Variants in STXBP5L observed in about 807,000 individuals in gnomAD.
STXBP5L encodes the protein syntaxin binding protein 5L.
STXBP5L carries 65 observed loss-of-function variants against 144.5 expected under a neutral mutation model. That is an observed-to-expected ratio of 0.45 (90% CI 0.37 to 0.55). The LOEUF (loss-of-function observed/expected upper bound fraction) is 0.55, where lower values mean the gene tolerates loss of function less well. STXBP5L is among the 20% of genes least tolerant of loss of function. STXBP5L has a pLI of 0.00. For synonymous variants in STXBP5L, 505 were observed against 469.6 expected, an observed-to-expected ratio of 1.08 and a Z score of -0.97; for missense variants, 1,298 against 1,405.5, an observed-to-expected ratio of 0.92 and a Z score of 1.22.
intron 19 of STXBP5L, among the ~76,000 whole-genome samples, chr3:121,308,212 C>T (rs1175199643): frequency 1.3e-5 from 2 of 152,126 alleles, no homozygotes; most frequent in Non-Finnish European, 2.9e-5. Context: ...CAAACGTTTA[C>T]CTATGTAAGA....
rs1337194337 is a variant in STXBP5L, at chr3:121,378,849, AG to A, written c.2311del (p.Ala771ProfsTer69). ...RPPFRKAQSA[A>X]CMEISLPVTT... Reference sequence around the variant, plus strand: ...CACCATTTCGAAAGGCCCAGTCAGCAGCCTGCATGGAGATTTCTTTACCAGT... The same window carrying A: ...CACCATTTCGAAAGGCCCAGTCAGCACCTGCATGGAGATTTCTTTACCAGT... On this transcript the variant is annotated frameshift_variant, in exon 21 of 27. Coordinates refer to ENST00000471454, the MANE Select transcript of STXBP5L (RefSeq NM_001308330.2). LOFTEE classifies it high-confidence loss of function. The A allele has an allele frequency of 6.2e-7, 1 of 1,613,720 alleles. No homozygotes were observed. The highest frequency in any genetic ancestry group is 1.7e-5 in the Admixed American group (1 of 59,900).
At chr3:121,197,236 A>G (rs2047956181) in intron 9 of STXBP5L, among the ~76,000 whole-genome samples, 1 of 151,976 alleles carries the variant, frequency 6.6e-6, no homozygotes, top group African/African-American at 2.4e-5. Flanking sequence ...ACTTTTTTGT[A>G]TCTTTGATCA....
chr3:121,148,785 A>G (rs979045437), intron 7 of STXBP5L, among the ~76,000 whole-genome samples: 2 of 152,160 alleles, frequency 1.3e-5, no homozygotes, highest in Non-Finnish European at 2.9e-5. Context: ...AGAAATGCAT[A>G]TATGTATTTA....
chr3:121,251,724 G>A (rs896773957), intron 15 of STXBP5L, among the ~76,000 whole-genome samples: 4 of 152,168 alleles, frequency 2.6e-5, no homozygotes, highest in African/African-American at 7.2e-5. Context: ...GTTTGAAGCT[G>A]TAGAAATGAA....
At position 121,092,976 on chromosome 3, in the gene STXBP5L, C is replaced by T. The variant is rs1047869461; in HGVS notation, c.471-21949C>T. On this transcript the variant is annotated intron_variant, in intron 5 of 26. Coordinates refer to ENST00000471454, the MANE Select transcript of STXBP5L (RefSeq NM_001308330.2). ...TACCTAATTTATTGAGAGTTTTTAG[C>T]ATGAAGAGTTGTTGAATTTTGTCAA... Among the ~76,000 whole-genome samples, 15 of 152,254 alleles carry T rather than the reference C, an allele frequency of 9.9e-5. No individual in the cohort carries two copies. The South Asian group carries it at 1.7e-3, about 17-fold the overall frequency.
At position 121,114,855 on chromosome 3, in the gene STXBP5L, A is replaced by G. The variant is rs578041225; in HGVS notation, c.471-70A>G. ...TTATATAGCTATCACTACATAATAC[A>G]TGTAAGGAAAATATAATGCTGACCA... On this transcript the variant is annotated intron_variant, in intron 5 of 26. Coordinates refer to ENST00000471454, the MANE Select transcript of STXBP5L (RefSeq NM_001308330.2). 2,521 of 1,100,634 alleles carry G rather than the reference A, an allele frequency of 2.3e-3. 9 individuals are homozygous for G. The highest frequency in any genetic ancestry group is 2.6e-3 in the Non-Finnish European group (2,080 of 798,362). 68.2% of individuals were successfully genotyped at this position (1,100,634 alleles called of 1,614,324 possible).
intron 11 of STXBP5L, among the ~76,000 whole-genome samples, chr3:121,232,041 T>G (rs553357198): frequency 2.0e-4 from 31 of 152,216 alleles, no homozygotes; most frequent in Non-Finnish European, 2.8e-4. Flanking sequence ...AAGCAAATAA[T>G]TTACTCAGTC....
At chr3:121,189,026 T>C (rs947441176) in intron 9 of STXBP5L, among the ~76,000 whole-genome samples, 3 of 152,220 alleles carry the variant, frequency 2.0e-5, no homozygotes, top group Non-Finnish European at 2.9e-5. Flanking sequence ...ATTGTCCCAG[T>C]TTGCAGATGA....
chr3:121,301,858 G>C (rs1179782842), intron 19 of STXBP5L, among the ~76,000 whole-genome samples: 1 of 152,144 alleles, frequency 6.6e-6, no homozygotes, highest in Non-Finnish European at 1.5e-5. Context: ...TTATTGATTT[G>C]CGTATGTTGA....
intron 22 of STXBP5L, among the ~76,000 whole-genome samples, chr3:121,406,160 A>C (rs9828910): frequency 0.094 from 14,303 of 151,898 alleles, 964 homozygotes; most frequent in African/African-American, 0.18. Flanking sequence ...GCAGCACCTA[A>C]ACCTCTACTC....
chr3:121,085,020 A>G (rs2042423245), intron 5 of STXBP5L, among the ~76,000 whole-genome samples: 1 of 151,568 alleles, frequency 6.6e-6, no homozygotes, highest in Non-Finnish European at 1.5e-5. Context: ...TCTTTTTTTG[A>G]GAAGTGTCTA....
chr3:121,115,011 C>A lies in STXBP5L; in HGVS notation c.557C>A (p.Ser186Tyr). The A allele has an allele frequency of 6.2e-7, 1 of 1,602,090 alleles. No homozygotes were observed. The highest frequency in any genetic ancestry group is 8.5e-7 in the Non-Finnish European group (1 of 1,176,038). Residue 186 changes from serine to tyrosine, a missense_variant, in exon 6 of 27, where the codon TCT (serine) becomes TAT (tyrosine). Ser to Tyr is a moderately radical substitution (Grantham distance 144). Transcript: ENST00000471454. ...AATACACATATTGTAAATATTGAAT[C>A]TTTCATTCTTTCTGGATATGTTATC... Reference protein sequence around the residue: ...RGNTHIVNIESFILSGYVIMW... With the variant: ...RGNTHIVNIEYFILSGYVIMW...
intron 11 of STXBP5L, 61 bp from the exon 12 acceptor site, chr3:121,233,555 T>C: frequency 7.7e-7 from 1 of 1,296,158 alleles, no homozygotes; most frequent in Non-Finnish European, 1.1e-6. Flanking sequence ...GGAAATGCAA[T>C]TTTGCTGATT....
chr3:121,138,588 C>T (rs535378005), intron 7 of STXBP5L, among the ~76,000 whole-genome samples: 1 of 152,002 alleles, frequency 6.6e-6, no homozygotes, highest in African/African-American at 2.4e-5. Context: ...TATTAGAGAG[C>T]CCAACATAAA....
chr3:121,373,941 C>T (rs928749567), intron 20 of STXBP5L, among the ~76,000 whole-genome samples: 11 of 152,286 alleles, frequency 7.2e-5, no homozygotes, highest in African/African-American at 2.6e-4. Flanking sequence ...GGCCACCTCA[C>T]CTGCCAGCAC....
At position 121,424,403 on chromosome 3, in the gene STXBP5L, C is replaced by T. The variant is rs984154412; in HGVS notation, c.*5306C>T. The T allele has an allele frequency of 9.2e-5, 14 of 152,074 alleles. No individual in the cohort carries two copies. Among genetic ancestry groups the T allele is most frequent in the Admixed American group, 8.5e-4 (13 of 15,280 alleles). The allele number at this position is 152,074 out of a possible 1,614,324, so 9.4% of individuals were successfully genotyped here. The stretch of plus-strand genomic sequence containing the variant: ...GTCCAGCCTATCAAAGGCAGTAACA[C>T]ATAATGAGAAGAAACTCAGAGTTAT... On this transcript the variant is annotated 3_prime_UTR_variant, in exon 27 of 27. Coordinates refer to ENST00000471454, the MANE Select transcript of STXBP5L (RefSeq NM_001308330.2).
rs533171155 is a variant in STXBP5L, at chr3:121,424,067, T to C, written c.*4970T>C. On this transcript the variant is annotated 3_prime_UTR_variant, in exon 27 of 27. Transcript: ENST00000471454. ...AGCTAAGTGGAAAACTAATTCTTCA[T>C]ATTTAGACAGTGGAAATTCTCAAAA... is the stretch of plus-strand genomic sequence containing the variant. 2.0e-5 allele frequency: 3 copies of C among 152,342 alleles called. No homozygotes were observed. Among genetic ancestry groups the C allele is most frequent in the African/African-American group, 4.8e-5 (2 of 41,582 alleles). The allele number at this position is 152,342 out of a possible 1,614,324, so 9.4% of individuals were successfully genotyped here. A position where few individuals can be genotyped will look rare whatever the true frequency, so the allele number is the denominator to read the frequency against.
chr3:121,065,385 A>G (rs930479598), intron 5 of STXBP5L, among the ~76,000 whole-genome samples: 2 of 152,142 alleles, frequency 1.3e-5, no homozygotes, highest in Non-Finnish European at 2.9e-5. Flanking sequence ...ATACATATTT[A>G]TACATTATAT....
At chr3:121,149,708 A>G (rs374652900) in intron 7 of STXBP5L, among the ~76,000 whole-genome samples, 8 of 152,004 alleles carry the variant, frequency 5.3e-5, no homozygotes, top group Non-Finnish European at 5.9e-5. Context: ...TAGCAATAAG[A>G]AAGTTAAAAT....
Sources: gnomAD v4.1 joint callset for allele counts (sites outside exome capture counted in the v4.1 genomes callset) on GRCh38, gnomAD v4.1.1 for gene constraint, MANE v1.5 for transcripts, NCBI Gene and HGNC (gene_info 2026-07-23, HGNC 2026-07-21) for gene names.